The following NAGPA variants were observed in gnomAD, a reference collection of about 807,000 sequenced individuals.
The protein encoded by NAGPA is N-acetylglucosamine-1-phosphodiester alpha-N-acetylglucosaminidase.
In NAGPA, 56 loss-of-function variants were observed where a neutral mutation model predicts 48.5. That is an observed-to-expected ratio of 1.15 (90% confidence interval 0.93 to 1.44). The LOEUF (loss-of-function observed/expected upper bound fraction) is 1.44, where lower values mean the gene tolerates loss of function less well. Among genes scored for constraint, NAGPA ranks in the 40% most tolerant of loss-of-function variants. The pLI is 0.00. For missense variants in NAGPA, 888 were observed against 735.0 expected (o/e 1.21, Z -2.41); for synonymous variants, 399 against 315.5 (o/e 1.26, Z -2.81).
chr16:5,029,999 C>T (rs1261820212), intron 4 of NAGPA: 2 of 345,040 alleles, frequency 5.8e-6, no homozygotes, highest in Non-Finnish European at 1.1e-5. Flanking sequence ...CCAGAGCAAA[C>T]CAAAACACTC....
intron 3 of NAGPA, 186 bp from the exon 4 acceptor site, chr16:5,030,679 T>A (rs1179837831): frequency 1.4e-5 from 9 of 657,628 alleles, no homozygotes; most frequent in African/African-American, 3.6e-5. Flanking sequence ...GGTCTCTTCT[T>A]ACAGGTAAAC....
Position 5,033,802 on chromosome 16 carries a change from C to G in NAGPA, c.86+27G>C. On this transcript the variant is annotated intron_variant, in intron 1 of 9. Transcript: ENST00000312251. This position sits in a 1 kb window ranked among gnomAD's most constrained non-coding sequence, Gnocchi z 4.2. ...GGAGGACAGGGGGGACCCCCCGAAC[C>G]AGGCTGGCCCAGGGAGCTGCACTCA... 1 of 1,559,748 alleles carries G rather than the reference C, an allele frequency of 6.4e-7. No individual in the cohort carries two copies. Among genetic ancestry groups the G allele is most frequent in the South Asian group, 1.2e-5 (1 of 85,280 alleles).
chr16:5,030,119 T>C lies in NAGPA; in HGVS notation c.791+266A>G, dbSNP rs1173054081. 4 of 564,776 alleles carry C rather than the reference T, an allele frequency of 7.1e-6. No homozygotes were observed. In the Admixed American group the frequency reaches 9.1e-5, roughly 13 times the overall value. 35.0% of individuals were successfully genotyped at this position (564,776 alleles called of 1,614,324 possible). A position where few individuals can be genotyped will look rare whatever the true frequency, so the allele number is the denominator to read the frequency against. On this transcript the variant is annotated intron_variant, in intron 4 of 9. Coordinates refer to ENST00000312251, the MANE Select transcript of NAGPA (RefSeq NM_016256.4). ...AGCTGGGATTGGAACCAAGATCTTC[T>C]CCCTGCTCACTTTGTGACCATTTCC... is the stretch of plus-strand genomic sequence containing the variant.
At position 5,027,770 on chromosome 16, in the gene NAGPA, C is replaced by A. The variant is rs551060811; in HGVS notation, c.1174+76G>T. The A allele has an allele frequency of 1.5e-4, 237 of 1,539,114 alleles. 3 individuals carry two copies. The African/African-American group carries it at 2.8e-3, about 18-fold the overall frequency. On this transcript the variant is annotated intron_variant, in intron 7 of 9. Coordinates refer to ENST00000312251, the MANE Select transcript of NAGPA (RefSeq NM_016256.4). ...CATTTCCCAGACCAGAAGGTGGAGACAGAAGCAGCAGAGGAGCAGTGGGGG... is the reference window on the plus strand; with the variant it reads ...CATTTCCCAGACCAGAAGGTGGAGAAAGAAGCAGCAGAGGAGCAGTGGGGG...
rs774338156 is a variant in NAGPA at position 5,031,924 on chromosome 16, GGCAACT to G, written c.543-46_543-41del. On this transcript the variant is annotated intron_variant, in intron 2 of 9. Coordinates refer to ENST00000312251, the MANE Select transcript of NAGPA (RefSeq NM_016256.4). Reference sequence around the variant, plus strand: ...GGTGGGAAGCTCACTCACCAGCAGGGGCAACTGCAGATAGTCAGGCTCTTTCTCCCT... The same window carrying G: ...GGTGGGAAGCTCACTCACCAGCAGGGGCAGATAGTCAGGCTCTTTCTCCCT... The G allele has an allele frequency of 8.6e-5, 138 of 1,613,498 alleles. 1 individual carries two copies. In the Admixed American group the frequency reaches 2.2e-3, roughly 26 times the overall value.
At chr16:5,026,925 G>A (rs1956011049) in intron 9 of NAGPA, among the ~76,000 whole-genome samples, 1 of 152,166 alleles carries the variant, frequency 6.6e-6, no homozygotes, top group Non-Finnish European at 1.5e-5. Flanking sequence ...GAGCTCCAGT[G>A]GGGGATGCTG....
chr16:5,026,752 T>G (rs1956007706), intron 9 of NAGPA, among the ~76,000 whole-genome samples: 1 of 151,896 alleles, frequency 6.6e-6, no homozygotes. Context: ...AGAAATAAAA[T>G]TAGCCGGGCA....
chr16:5,026,448 T>A (rs1272118921), intron 9 of NAGPA, among the ~76,000 whole-genome samples: 1 of 151,690 alleles, frequency 6.6e-6, no homozygotes, highest in African/African-American at 2.4e-5. Flanking sequence ...GCAGGAGAAT[T>A]GCCTGAACCC....
Position 5,033,932 on chromosome 16 carries a change from G to T in NAGPA, c.-18C>A. 1.3e-6 allele frequency: 2 copies of T among 1,548,104 alleles called. No homozygotes were observed. The highest frequency in any genetic ancestry group is 1.7e-6 in the Non-Finnish European group (2 of 1,146,406). On this transcript the variant is annotated 5_prime_UTR_variant, in exon 1 of 10. Coordinates refer to ENST00000312251, the MANE Select transcript of NAGPA (RefSeq NM_016256.4). This position sits in a 1 kb window ranked among gnomAD's most constrained non-coding sequence, Gnocchi z 4.2. ...GTCGCCATATTGGACCGGGGCCTCG[G>T]GTCATGTGGGCTCGCCTCACGTGAC...
intron 3 of NAGPA, 96 bp from the exon 4 acceptor site, chr16:5,030,589 T>G: frequency 7.1e-6 from 7 of 989,216 alleles, no homozygotes; most frequent in Non-Finnish European, 1.1e-5. Flanking sequence ...ACCTGGTACC[T>G]CCCTGGGAAG....
chr16:5,029,334 C>T (rs1264930634), intron 4 of NAGPA: 13 of 366,188 alleles, frequency 3.6e-5, no homozygotes, highest in Non-Finnish European at 6.1e-5. Context: ...ATTTGAAATA[C>T]GAGGGGGATG....
At position 5,025,154 on chromosome 16, in the gene NAGPA, G is replaced by T; in HGVS notation, c.*324C>A. 2.4e-6 allele frequency: 1 copy of T among 417,110 alleles called. No homozygotes were observed. The highest frequency in any genetic ancestry group is 4.5e-6 in the Non-Finnish European group (1 of 222,634). 25.8% of individuals were successfully genotyped at this position (417,110 alleles called of 1,614,324 possible). On this transcript the variant is annotated 3_prime_UTR_variant, in exon 10 of 10. Transcript: ENST00000312251. ...ACGTGGTCACTGAGTCTGGTTCGTT[G>T]GCAGCCCCTTCCCCAGGAGGAGGGA...
chr16:5,033,148 T>A lies in NAGPA; in HGVS notation c.542+125A>T, dbSNP rs1286890622. The A allele has an allele frequency of 2.7e-6, 3 of 1,125,670 alleles. No homozygotes were observed. The highest frequency in any genetic ancestry group is 1.5e-5 in the African/African-American group (1 of 64,910). The allele number at this position is 1,125,670 out of a possible 1,614,324, so 69.7% of individuals were successfully genotyped here. On this transcript the variant is annotated intron_variant, in intron 2 of 9. Coordinates refer to ENST00000312251, the MANE Select transcript of NAGPA (RefSeq NM_016256.4). This position sits in a 1 kb window ranked among gnomAD's most constrained non-coding sequence, Gnocchi z 4.2. The stretch of plus-strand genomic sequence containing the variant: ...AAACTCTGCAAGGAAGCGATTCCTA[T>A]CCCCATTCTGCAGAGGAGGAAACAG...
chr16:5,031,623 C>G, intron 3 of NAGPA, 122 bp downstream of exon 3: 1 of 1,348,494 alleles, frequency 7.4e-7, no homozygotes, highest in East Asian at 2.3e-5. Flanking sequence ...TCCCCAGTAC[C>G]CAGAATAGTG....
In NAGPA at chr16:5,033,076, C is replaced by T. The variant is rs1404295998; in HGVS notation, c.542+197G>A. On this transcript the variant is annotated intron_variant, in intron 2 of 9. Coordinates refer to ENST00000312251, the MANE Select transcript of NAGPA (RefSeq NM_016256.4). This position sits in a 1 kb window ranked among gnomAD's most constrained non-coding sequence, Gnocchi z 4.2. Reference sequence around the variant, plus strand: ...TCACGGCTATCTCACCGGGGCGCGGCACATTGCCTGATACAAGCAAGTGCT... The same window carrying T: ...TCACGGCTATCTCACCGGGGCGCGGTACATTGCCTGATACAAGCAAGTGCT... 1.5e-6 allele frequency: 1 copy of T among 670,910 alleles called. No homozygotes were observed. Among genetic ancestry groups the T allele is most frequent in the Non-Finnish European group, 2.5e-6 (1 of 393,674 alleles). The allele number at this position is 670,910 out of a possible 1,614,324, so 41.6% of individuals were successfully genotyped here. A position where few individuals can be genotyped will look rare whatever the true frequency, so the allele number is the denominator to read the frequency against.
At position 5,030,475 on chromosome 16, in the gene NAGPA, A is replaced by G; in HGVS notation, c.701T>C (p.Val234Ala). 2 of 1,553,520 alleles carry G rather than the reference A, an allele frequency of 1.3e-6. No individual in the cohort carries two copies. Among genetic ancestry groups the G allele is most frequent in the South Asian group, 2.4e-5 (2 of 84,164 alleles). Residue 234 changes from valine to alanine, a missense_variant, in exon 4 of 10, where the codon GTG becomes GCG. Transcript: ENST00000312251. ...GGCCGTCCTGGCTGATATCACATTC[A>G]CAAATTTGCTAAAGGAACCTGAAGG... Reference protein sequence around the residue: ...TQETGSFSKFVNVISARTAIG... With the variant: ...TQETGSFSKFANVISARTAIG...
Position 5,033,785 on chromosome 16 carries a change from G to A in NAGPA, c.86+44C>T, listed in dbSNP as rs1390362038. The A allele has an allele frequency of 8.9e-6, 14 of 1,573,900 alleles. No individual in the cohort carries two copies. The highest frequency in any genetic ancestry group is 2.3e-5 in the South Asian group (2 of 86,630). ...GCTGTCCTCGTGAGCTCGGAGGACA[G>A]GGGGGACCCCCCGAACCAGGCTGGC... is the stretch of plus-strand genomic sequence containing the variant. On this transcript the variant is annotated intron_variant, in intron 1 of 9. Coordinates refer to ENST00000312251, the MANE Select transcript of NAGPA (RefSeq NM_016256.4). This position sits in a 1 kb window ranked among gnomAD's most constrained non-coding sequence, Gnocchi z 4.2.
In NAGPA at chr16:5,027,969, C is replaced by T. The variant is rs772684653; in HGVS notation, c.1126+11G>A. ...GCTGGGCAGAGCCCCCTCCCCAGAA[C>T]CCCCACTCACTCTCCGTGCACAGTC... On this transcript the variant is annotated intron_variant, in intron 6 of 9. Transcript: ENST00000312251. 1 of 1,612,302 alleles carries T rather than the reference C, an allele frequency of 6.2e-7. No individual in the cohort carries two copies. Among genetic ancestry groups the T allele is most frequent in the Admixed American group, 1.7e-5 (1 of 59,820 alleles).
chr16:5,032,650 T>A (rs931096821), intron 2 of NAGPA, among the ~76,000 whole-genome samples: 12 of 151,298 alleles, frequency 7.9e-5, no homozygotes, highest in Non-Finnish European at 1.3e-4. Context: ...CTGCCCTCCA[T>A]CCTGGGCAAC....
Sources: allele counts gnomAD v4.1 joint callset (sites outside exome capture counted in the v4.1 genomes callset), GRCh38; gene constraint gnomAD v4.1.1; non-coding constraint Gnocchi (gnomAD v3.1); transcripts MANE v1.5; gene names NCBI Gene and HGNC (gene_info 2026-07-23, HGNC 2026-07-21).